The following THSD7B variants were observed in gnomAD, a reference collection of about 807,000 sequenced individuals.
THSD7B encodes thrombospondin type-1 domain-containing protein 7B.
THSD7B carries 138 observed loss-of-function variants against 213.6 expected under a neutral mutation model. The ratio of observed to expected loss-of-function variants is 0.65; its 90% CI spans 0.56 to 0.74. The LOEUF is 0.74. Ranked by LOEUF, THSD7B falls within the 30% of genes least tolerant of loss-of-function variation. THSD7B has a pLI of 0.00. For synonymous variants in THSD7B, 742 were observed against 687.0 expected, an observed-to-expected ratio of 1.08 and a Z score of -1.25; for missense variants, 1,931 against 1,991.5, an observed-to-expected ratio of 0.97 and a Z score of 0.58.
chr2:137,309,435 C>T (rs188221687), intron 12 of THSD7B, among the ~76,000 whole-genome samples: 2 of 151,390 alleles, frequency 1.3e-5, no homozygotes, highest in African/African-American at 4.8e-5. Flanking sequence ...TTTAAACTTC[C>T]TTATGAACTT....
At chr2:137,583,576 C>A (rs929497711) in intron 17 of THSD7B, among the ~76,000 whole-genome samples, 2 of 152,180 alleles carry the variant, frequency 1.3e-5, no homozygotes, top group African/African-American at 4.8e-5. Flanking sequence ...GTTTTCCCAG[C>A]ACCATTTATT....
chr2:137,655,613 C>G lies in THSD7B; in HGVS notation c.4058C>G (p.Pro1353Arg), dbSNP rs1275454485. Reference sequence around the variant, plus strand: ...GAGGATGCACTGTGTGGAGAAATGCCCTTTCAGGACAGCATCCTGAAGCAG... The same window carrying G: ...GAGGATGCACTGTGTGGAGAAATGCGCTTTCAGGACAGCATCCTGAAGCAG... ...RVEDALCGEMPFQDSILKQLC... is the reference protein window; with the variant it reads ...RVEDALCGEMRFQDSILKQLC... Residue 1353 changes from proline to arginine, a missense_variant, in exon 22 of 28, where the codon CCC (proline) becomes CGC (arginine). Physicochemically the swap from Pro to Arg is moderately radical, Grantham distance 103 (BLOSUM62 -2). Transcript: ENST00000409968. 1 of 1,613,008 alleles carries G rather than the reference C, an allele frequency of 6.2e-7. No homozygotes were observed. Among genetic ancestry groups the G allele is most frequent in the South Asian group, 1.1e-5 (1 of 90,768 alleles).
chr2:136,937,340 G>A (rs1272161031), intron 2 of THSD7B, among the ~76,000 whole-genome samples: 5 of 151,552 alleles, frequency 3.3e-5, no homozygotes, highest in African/African-American at 9.7e-5. Context: ...CCCGCCACCC[G>A]CTGTTCTACC....
chr2:137,347,694 T>G lies in THSD7B; in HGVS notation c.2501-57919T>G, dbSNP rs538786193. Among the ~76,000 whole-genome samples the G allele has an allele frequency of 1.7e-4, 26 of 151,576 alleles. No individual in the cohort carries two copies. The South Asian group carries it at 5.4e-3, about 32-fold the overall frequency. ...GGCGGATCTCGTTATCACATCCCCC[T>G]TTGTTTCCTTAATTGAACTTGGACT... On this transcript the variant is annotated intron_variant, in intron 12 of 27. Transcript: ENST00000409968.
chr2:137,357,954 A>G (rs1685170963), intron 12 of THSD7B, among the ~76,000 whole-genome samples: 1 of 152,162 alleles, frequency 6.6e-6, no homozygotes, highest in Non-Finnish European at 1.5e-5. Context: ...GCATTTTAAT[A>G]TTACCACTTG....
chr2:137,217,955 T>A lies in THSD7B; in HGVS notation c.1724-13089T>A, dbSNP rs116025403. Among the ~76,000 whole-genome samples the A allele has an allele frequency of 3.5e-3, 533 of 152,290 alleles. 4 individuals are homozygous for A. Among genetic ancestry groups the A allele is most frequent in the African/African-American group, 0.012 (508 of 41,564 alleles). The stretch of plus-strand genomic sequence containing the variant: ...AAAAAATGCATGTGTACAAATAACC[T>A]AATAAGTGCAGTTTAACTGCCTAGA... On this transcript the variant is annotated intron_variant, in intron 7 of 27. Coordinates refer to ENST00000409968, the MANE Select transcript of THSD7B (RefSeq NM_001316349.2).
At chr2:137,215,182 A>G (rs773408883) in intron 7 of THSD7B, among the ~76,000 whole-genome samples, 1 of 152,224 alleles carries the variant, frequency 6.6e-6, no homozygotes, top group Non-Finnish European at 1.5e-5. Flanking sequence ...TCTAACGACC[A>G]GTGATGACGA....
At chr2:137,136,922 A>C (rs116548981) in intron 5 of THSD7B, among the ~76,000 whole-genome samples, 4,792 of 152,310 alleles carry the variant, frequency 0.031, 118 homozygotes, top group Admixed American at 0.059. Flanking sequence ...GGACTGAAGG[A>C]AACATAATCA....
intron 15 of THSD7B, among the ~76,000 whole-genome samples, chr2:137,481,766 A>T (rs1306996808): frequency 6.6e-6 from 1 of 152,252 alleles, no homozygotes; most frequent in Non-Finnish European, 1.5e-5. Flanking sequence ...ACATTGGAGA[A>T]TACAAAAATA....
intron 10 of THSD7B, among the ~76,000 whole-genome samples, chr2:137,266,818 A>C (rs376754585): frequency 1.3e-5 from 2 of 151,840 alleles, no homozygotes; most frequent in East Asian, 3.9e-4. Flanking sequence ...GCCTATGTTC[A>C]CTCCTGTTCT....
At chr2:136,834,512 A>C (rs1682814115) in intron 1 of THSD7B, among the ~76,000 whole-genome samples, 1 of 152,046 alleles carries the variant, frequency 6.6e-6, no homozygotes, top group South Asian at 2.1e-4. Flanking sequence ...TTTCCCAAGG[A>C]AAGCCATGTA....
At position 137,411,858 on chromosome 2, in the gene THSD7B, T is replaced by C. The variant is rs755706412; in HGVS notation, c.2945T>C (p.Phe982Ser). 5.6e-6 allele frequency: 9 copies of C among 1,613,956 alleles called. No homozygotes were observed. The highest frequency in any genetic ancestry group is 5.5e-5 in the South Asian group (5 of 91,074). Residue 982 changes from phenylalanine (F) to serine (S), a missense_variant, in exon 14 of 28, where the codon TTC (phenylalanine) becomes TCC (serine). Phe to Ser is a radical substitution (Grantham distance 155). Coordinates refer to ENST00000409968, the MANE Select transcript of THSD7B (RefSeq NM_001316349.2). ...DKNGRPVDPS[F>S]CSSSGYIQEK... ...AATGGAAGACCTGTTGACCCCTCCT[T>C]CTGCAGCAGCTCTGGTAAGGAGATG... is the stretch of plus-strand genomic sequence containing the variant.
chr2:137,304,220 G>A (rs1203434690), intron 12 of THSD7B, among the ~76,000 whole-genome samples: 2 of 151,942 alleles, frequency 1.3e-5, no homozygotes, highest in Admixed American at 1.3e-4. Context: ...AAAATACTTG[G>A]ACAAATGTCC....
intron 1 of THSD7B, among the ~76,000 whole-genome samples, chr2:136,866,645 T>C (rs1407715301): frequency 6.6e-6 from 1 of 152,246 alleles, no homozygotes; most frequent in Non-Finnish European, 1.5e-5. Context: ...GGCTTACTTA[T>C]GAAAACATTT....
chr2:137,135,465 C>G (rs181310942), intron 5 of THSD7B, among the ~76,000 whole-genome samples: 5 of 152,310 alleles, frequency 3.3e-5, no homozygotes, highest in Admixed American at 3.3e-4. Flanking sequence ...TTTCTTCTCT[C>G]AGATCTGCAT....
intron 10 of THSD7B, among the ~76,000 whole-genome samples, chr2:137,264,329 G>A (rs1009778112): frequency 1.3e-5 from 2 of 150,286 alleles, no homozygotes; most frequent in African/African-American, 4.9e-5. Flanking sequence ...TTCAGCTCAC[G>A]GCAAGCTCTG....
intron 2 of THSD7B, among the ~76,000 whole-genome samples, chr2:137,007,285 G>A (rs1266611182): frequency 6.6e-6 from 1 of 152,142 alleles, no homozygotes; most frequent in Non-Finnish European, 1.5e-5. Flanking sequence ...GGCTTTGTGG[G>A]CAGCTTAAAT....
At chr2:137,660,286 T>C (rs980552765) in intron 25 of THSD7B, among the ~76,000 whole-genome samples, 1 of 152,164 alleles carries the variant, frequency 6.6e-6, no homozygotes. Flanking sequence ...CTACCACAAC[T>C]CAGGAATTAA....
chr2:137,312,149 G>T (rs925423463), intron 12 of THSD7B, among the ~76,000 whole-genome samples: 2 of 151,968 alleles, frequency 1.3e-5, no homozygotes, highest in Non-Finnish European at 1.5e-5. Flanking sequence ...ACTCTTTTTT[G>T]TTGGTAAGCT....
Sources: gnomAD v4.1 joint callset for allele counts (sites outside exome capture counted in the v4.1 genomes callset) on GRCh38, gnomAD v4.1.1 for gene constraint, MANE v1.5 for transcripts, NCBI Gene and HGNC (gene_info 2026-07-23, HGNC 2026-07-21) for gene names.